Variants in EPHA4 observed in about 807,000 individuals in gnomAD.
The protein encoded by EPHA4 is ephrin type-A receptor 4.
EPHA4 carries 19 observed loss-of-function variants against 108.3 expected under a neutral mutation model. That is an observed-to-expected ratio of 0.18 (90% CI 0.12 to 0.26). The LOEUF is 0.26. EPHA4 is among the 10% of genes least tolerant of loss of function. The probability of loss-of-function intolerance (pLI) is 1.00; values close to 1 mark genes in which losing one functional copy is unlikely to be tolerated. For synonymous variants in EPHA4, 449 were observed against 455.5 expected (o/e 0.99, Z 0.18); for missense variants, 917 against 1,254.0 (o/e 0.73, Z 4.06).
chr2:221,526,977 T>A (rs1693348385), intron 3 of EPHA4, among the ~76,000 whole-genome samples: 1 of 119,576 alleles, frequency 8.4e-6, no homozygotes. Context: ...AAAAAAAAAA[T>A]TAAGCCGGGC....
chr2:221,433,149 A>C (rs538478055), intron 14 of EPHA4, among the ~76,000 whole-genome samples: 1 of 152,156 alleles, frequency 6.6e-6, no homozygotes, highest in African/African-American at 2.4e-5. Context: ...TTAATTGATA[A>C]GGCAACCTGC....
chr2:221,520,791 A>T (rs1312596997), intron 3 of EPHA4, among the ~76,000 whole-genome samples: 1 of 152,214 alleles, frequency 6.6e-6, no homozygotes, highest in African/African-American at 2.4e-5. Flanking sequence ...ATCATCAATC[A>T]TTCTTGAAAT....
intron 5 of EPHA4, among the ~76,000 whole-genome samples, chr2:221,461,566 T>A (rs563901239): frequency 1.2e-4 from 19 of 152,134 alleles, no homozygotes; most frequent in Non-Finnish European, 5.9e-5. Context: ...TGAAATCTCA[T>A]AGAGACAAGG....
chr2:221,438,753 G>A (rs1690324844), intron 11 of EPHA4, among the ~76,000 whole-genome samples: 1 of 151,832 alleles, frequency 6.6e-6, no homozygotes, highest in South Asian at 2.1e-4. Flanking sequence ...CCACTGCACT[G>A]AAGCCTGGGT....
chr2:221,469,845 T>C (rs1024666694), intron 5 of EPHA4, among the ~76,000 whole-genome samples: 2 of 152,156 alleles, frequency 1.3e-5, no homozygotes, highest in African/African-American at 4.8e-5. Context: ...TTCCAAGCCA[T>C]CCAATTCTCC....
intron 3 of EPHA4, 73 bp downstream of exon 3, chr2:221,563,658 C>T (rs1694533509): frequency 3.9e-6 from 6 of 1,532,684 alleles, no homozygotes; most frequent in Non-Finnish European, 5.3e-6. Context: ...GGCTTTACTC[C>T]ATTTAGTCTC....
chr2:221,505,478 A>G (rs1461167623), intron 3 of EPHA4, among the ~76,000 whole-genome samples: 1 of 152,046 alleles, frequency 6.6e-6, no homozygotes, highest in Non-Finnish European at 1.5e-5. Flanking sequence ...GGCGCCTGCC[A>G]CTACGCCCGG....
intron 3 of EPHA4, among the ~76,000 whole-genome samples, chr2:221,544,968 C>T (rs1217324561): frequency 6.6e-6 from 1 of 152,188 alleles, no homozygotes; most frequent in East Asian, 1.9e-4. Flanking sequence ...AACCCTTGAT[C>T]ATGAGCCTTC....
intron 3 of EPHA4, among the ~76,000 whole-genome samples, chr2:221,560,383 T>TTGCTC (rs1694426156): frequency 6.6e-6 from 1 of 152,152 alleles, no homozygotes; most frequent in East Asian, 1.9e-4. Context: ...AAGTCACTTT[T>TTGCTC]TGCTCGTTCA....
At chr2:221,498,948 G>A (rs1376586540) in intron 4 of EPHA4, among the ~76,000 whole-genome samples, 4 of 151,608 alleles carry the variant, frequency 2.6e-5, no homozygotes, top group East Asian at 1.9e-4. Flanking sequence ...ACACCACCAC[G>A]CCTGTCTAAT....
At chr2:221,556,986 CTG>C (rs367906799) in intron 3 of EPHA4, among the ~76,000 whole-genome samples, 102 of 152,262 alleles carry the variant, frequency 6.7e-4, no homozygotes, top group Middle Eastern at 3.4e-3. Context: ...AAGGGGATCA[CTG>C]TATTTGCTTC....
intron 4 of EPHA4, among the ~76,000 whole-genome samples, chr2:221,499,105 T>A (rs1692395401): frequency 6.6e-6 from 1 of 151,460 alleles, no homozygotes; most frequent in South Asian, 2.1e-4. Flanking sequence ...AACAGTTACA[T>A]CTGAGACTGA....
At position 221,465,784 on chromosome 2, in the gene EPHA4, G is replaced by A. The variant is rs904780629; in HGVS notation, c.1319-7794C>T. 3.8e-4 allele frequency among the ~76,000 whole-genome samples: 58 copies of A among 152,260 alleles called. 1 individual carries two copies. The highest frequency in any genetic ancestry group is 1.3e-3 in the African/African-American group (56 of 41,548). ...ACCCCCATCACCACCAACTGGATGCGATTTCAGCAAGAAAATAAATTTCTA... is the reference window on the plus strand; with the variant it reads ...ACCCCCATCACCACCAACTGGATGCAATTTCAGCAAGAAAATAAATTTCTA... On this transcript the variant is annotated intron_variant, in intron 5 of 17. Transcript: ENST00000281821.
intron 1 of EPHA4, among the ~76,000 whole-genome samples, 188 bp from the exon 2 acceptor site, chr2:221,568,973 C>G (rs921792544): frequency 1.3e-5 from 2 of 152,154 alleles, no homozygotes; most frequent in Non-Finnish European, 2.9e-5. Context: ...TTTAAATCTG[C>G]AGGTTCTTAT....
intron 3 of EPHA4, among the ~76,000 whole-genome samples, chr2:221,503,656 G>A (rs1215423222): frequency 1.3e-5 from 2 of 152,138 alleles, no homozygotes; most frequent in Non-Finnish European, 2.9e-5. Context: ...GAAGGCTGCT[G>A]TTCTTTAAAC....
At chr2:221,563,085 C>T (rs1224192593) in intron 3 of EPHA4, among the ~76,000 whole-genome samples, 1 of 152,190 alleles carries the variant, frequency 6.6e-6, no homozygotes, top group Non-Finnish European at 1.5e-5. Context: ...TAATTACCAC[C>T]TCCTAAGAGA....
intron 3 of EPHA4, among the ~76,000 whole-genome samples, chr2:221,550,421 GAGA>G (rs1559289945): frequency 1.2e-4 from 8 of 64,374 alleles, no homozygotes; most frequent in Admixed American, 4.9e-4. Context: ...GGAAAGGGGA[GAGA>G]GAGAGAGAGA....
chr2:221,538,317 A>G (rs550326283), intron 3 of EPHA4, among the ~76,000 whole-genome samples: 2 of 152,336 alleles, frequency 1.3e-5, no homozygotes, highest in Admixed American at 6.5e-5. Flanking sequence ...CAAAAGTTGT[A>G]TTTCATTTTG....
Position 221,572,160 on chromosome 2 carries a change from T to G in EPHA4, c.89A>C (p.Glu30Ala). The change falls in exon 1 of 18, where the codon GAA becomes GCA. Residue 30 changes from glutamate (E) to alanine (A), a missense_variant and splice_region_variant. Glu to Ala is a moderately radical substitution (Grantham distance 107). Transcript: ENST00000281821. Reference sequence around the variant, plus strand: ...CAGAAAGGCCGTCCCGCTCTTACCTTCATTCGCGGGGTATACCCTGGAACC... The same window carrying G: ...CAGAAAGGCCGTCCCGCTCTTACCTGCATTCGCGGGGTATACCCTGGAACC... ...VTGSRVYPAN[E>A]VTLLDSRSVQ... 6.2e-7 allele frequency: 1 copy of G among 1,613,436 alleles called. No individual in the cohort carries two copies.
Sources: gnomAD v4.1 joint callset for allele counts (sites outside exome capture counted in the v4.1 genomes callset) on GRCh38, gnomAD v4.1.1 for gene constraint, MANE v1.5 for transcripts, NCBI Gene and HGNC (gene_info 2026-07-23, HGNC 2026-07-21) for gene names.